The following SUPT3H variants were observed in gnomAD, a reference collection of about 807,000 sequenced individuals.
SUPT3H encodes SPT3 homolog, SAGA and STAGA complex component.
A neutral mutation model predicts 44.3 loss-of-function variants in SUPT3H; 44 were observed. The observed-to-expected ratio is 0.99, with a 90% CI of 0.78 to 1.28. The LOEUF (loss-of-function observed/expected upper bound fraction) is 1.28, where lower values mean the gene tolerates loss of function less well. SUPT3H is among the 50% of genes most tolerant of loss of function. SUPT3H has a pLI of 0.00. For missense variants in SUPT3H, 380 were observed against 387.1 expected, an observed-to-expected ratio of 0.98 and a Z score of 0.15; for synonymous variants, 124 against 125.6, an observed-to-expected ratio of 0.99 and a Z score of 0.09.
chr6:45,191,350 AT>A (rs2153619246), intron 2 of SUPT3H, among the ~76,000 whole-genome samples: 1 of 152,274 alleles, frequency 6.6e-6, no homozygotes, highest in Non-Finnish European at 1.5e-5. Context: ...ACTATATGAA[AT>A]TCTGAAAAAG....
At chr6:45,075,944 T>G (rs1192617067) in intron 3 of SUPT3H, among the ~76,000 whole-genome samples, 1 of 152,156 alleles carries the variant, frequency 6.6e-6, no homozygotes, top group Non-Finnish European at 1.5e-5. Context: ...ATTACTAGAA[T>G]AATTTTCAGT....
intron 4 of SUPT3H, 86 bp downstream of exon 4, chr6:45,020,460 G>T (rs955301789): frequency 4.5e-5 from 43 of 954,258 alleles, no homozygotes; most frequent in Non-Finnish European, 6.7e-5. Context: ...AATTTGAAAG[G>T]TACATAACAA....
intron 10 of SUPT3H, among the ~76,000 whole-genome samples, chr6:44,906,689 G>A (rs1328085534): frequency 6.6e-6 from 1 of 152,152 alleles, no homozygotes; most frequent in Non-Finnish European, 1.5e-5. Flanking sequence ...TTAAACCTGG[G>A]AGGCAGAGGT....
intron 2 of SUPT3H, among the ~76,000 whole-genome samples, chr6:45,356,382 A>G (rs1793183403): frequency 6.6e-6 from 1 of 152,098 alleles, no homozygotes; most frequent in African/African-American, 2.4e-5. Flanking sequence ...ACATTGGAAT[A>G]TATCAATTCT....
intron 3 of SUPT3H, among the ~76,000 whole-genome samples, chr6:45,030,687 A>G (rs1786779590): frequency 6.6e-6 from 1 of 152,224 alleles, no homozygotes; most frequent in Non-Finnish European, 1.5e-5. Flanking sequence ...AATGGAAAGA[A>G]TAAAGTCCTG....
intron 4 of SUPT3H, 53 bp downstream of exon 4, chr6:45,020,493 A>C (rs979110088): frequency 5.1e-6 from 7 of 1,366,986 alleles, no homozygotes; most frequent in Non-Finnish European, 7.2e-6. Flanking sequence ...TCCACATGCA[A>C]GTTCAATTAA....
intron 10 of SUPT3H, among the ~76,000 whole-genome samples, chr6:44,929,893 G>T (rs1582563927): frequency 1.3e-5 from 2 of 151,968 alleles, no homozygotes; most frequent in East Asian, 3.9e-4. Flanking sequence ...TTAAAAGGAA[G>T]ATTTATGTAT....
chr6:45,201,168 T>C (rs1023038548), intron 2 of SUPT3H, among the ~76,000 whole-genome samples: 1 of 151,698 alleles, frequency 6.6e-6, no homozygotes, highest in Non-Finnish European at 1.5e-5. Context: ...ACGGGTAACA[T>C]AATCATTCAT....
At chr6:45,291,797 C>T (rs1350004662) in intron 2 of SUPT3H, among the ~76,000 whole-genome samples, 7 of 152,102 alleles carry the variant, frequency 4.6e-5, no homozygotes, top group Admixed American at 3.9e-4. Flanking sequence ...TTATGTTAAA[C>T]AACCAAATCT....
At chr6:45,211,811 T>C (rs1022571598) in intron 2 of SUPT3H, among the ~76,000 whole-genome samples, 6 of 150,920 alleles carry the variant, frequency 4.0e-5, no homozygotes, top group Non-Finnish European at 5.9e-5. Flanking sequence ...ATAGCACCAC[T>C]GCACTCCAGC....
intron 11 of SUPT3H, among the ~76,000 whole-genome samples, chr6:44,813,187 C>G (rs769499184): frequency 3.3e-5 from 5 of 152,100 alleles, no homozygotes; most frequent in Admixed American, 6.5e-5. Flanking sequence ...GAAAAAATCA[C>G]CATCCAGAGT....
At chr6:44,960,899 T>C (rs1477531006) in intron 7 of SUPT3H, among the ~76,000 whole-genome samples, 1 of 152,212 alleles carries the variant, frequency 6.6e-6, no homozygotes, top group South Asian at 2.1e-4. Context: ...TTGCACTTTA[T>C]AATCTATAAA....
rs567771550 is a variant in SUPT3H, at chr6:44,936,321, T to C, written c.802-3558A>G. 2.0e-5 allele frequency among the ~76,000 whole-genome samples: 3 copies of C among 152,364 alleles called. No individual in the cohort carries two copies. The South Asian group carries it at 6.2e-4, about 32-fold the overall frequency. On this transcript the variant is annotated intron_variant, in intron 9 of 10. Transcript: ENST00000371459. ...GGTAACTGTTAAAATGTAGTTCTTA[T>C]ATAACTAGAAAAAGCTTTTATTTAT...
At chr6:44,978,548 G>A (rs1778654473) in intron 6 of SUPT3H, among the ~76,000 whole-genome samples, 1 of 152,176 alleles carries the variant, frequency 6.6e-6, no homozygotes, top group Non-Finnish European at 1.5e-5. Context: ...AAATGATGCA[G>A]AGGGAAGAGA....
chr6:45,250,171 T>A (rs1332329175), intron 2 of SUPT3H, among the ~76,000 whole-genome samples: 3 of 151,980 alleles, frequency 2.0e-5, no homozygotes, highest in Non-Finnish European at 4.4e-5. Flanking sequence ...AGGAAAAGCC[T>A]CTGACATGAA....
intron 2 of SUPT3H, among the ~76,000 whole-genome samples, chr6:45,164,807 C>T (rs1400692237): frequency 6.6e-6 from 1 of 152,030 alleles, no homozygotes; most frequent in Admixed American, 6.6e-5. Flanking sequence ...TAAAATTTTT[C>T]GGAAGTTCTG....
chr6:44,903,816 C>A (rs1337228268), intron 10 of SUPT3H, among the ~76,000 whole-genome samples: 2 of 152,140 alleles, frequency 1.3e-5, no homozygotes, highest in African/African-American at 2.4e-5. Flanking sequence ...AGCAGCACAT[C>A]AAAAAGCTTA....
intron 10 of SUPT3H, among the ~76,000 whole-genome samples, chr6:44,884,398 C>A (rs903319242): frequency 6.6e-6 from 1 of 152,084 alleles, no homozygotes; most frequent in Non-Finnish European, 1.5e-5. Flanking sequence ...GCTTTTACAC[C>A]GTTGGTGGGA....
At position 45,086,975 on chromosome 6, in the gene SUPT3H, T is replaced by A. The variant is rs376206286; in HGVS notation, c.186+18947A>T. On this transcript the variant is annotated intron_variant, in intron 3 of 10. Transcript: ENST00000371459. ...AAAAGCAGCTGTGACCACATTTACT[T>A]ATAATTACATAATTCGGTTAACAAG... is the stretch of plus-strand genomic sequence containing the variant. 4.6e-5 allele frequency among the ~76,000 whole-genome samples: 7 copies of A among 152,078 alleles called. No homozygotes were observed. The East Asian group carries it at 1.4e-3, about 29-fold the overall frequency.
Sources: allele counts gnomAD v4.1 joint callset (sites outside exome capture counted in the v4.1 genomes callset), GRCh38; gene constraint gnomAD v4.1.1; transcripts MANE v1.5; gene names NCBI Gene and HGNC (gene_info 2026-07-23, HGNC 2026-07-21).